The following LMNA variants were observed in gnomAD, a reference collection of about 807,000 sequenced individuals.
The protein encoded by LMNA is lamin A/C, also known as lamin.
A neutral mutation model predicts 70.4 loss-of-function variants in LMNA; 20 were observed. The ratio of observed to expected loss-of-function variants is 0.28; its 90% CI spans 0.20 to 0.41. The LOEUF (loss-of-function observed/expected upper bound fraction) is 0.41, where lower values mean the gene tolerates loss of function less well. Ranked by LOEUF, LMNA falls within the 10% of genes least tolerant of loss-of-function variation. The pLI is 1.00. For synonymous variants in LMNA, 339 were observed against 372.8 expected, an observed-to-expected ratio of 0.91 and a Z score of 1.04; for missense variants, 652 against 917.2, an observed-to-expected ratio of 0.71 and a Z score of 3.73.
chr1:156,093,454 C>T (rs528585959), intron 3 of LMNA, among the ~76,000 whole-genome samples: 12 of 151,772 alleles, frequency 7.9e-5, no homozygotes, highest in Admixed American at 3.9e-4. Context: ...TACAGGCGTG[C>T]GCCACCATGC....
intron 1 of LMNA, among the ~76,000 whole-genome samples, chr1:156,125,238 G>C (rs1306941428): frequency 6.6e-6 from 1 of 152,224 alleles, no homozygotes; most frequent in Non-Finnish European, 1.5e-5. Context: ...GGGGTAGGGA[G>C]GTTTTGGGTG....
At chr1:156,124,935 G>C (rs1650451290) in intron 1 of LMNA, among the ~76,000 whole-genome samples, 1 of 152,190 alleles carries the variant, frequency 6.6e-6, no homozygotes, top group South Asian at 2.1e-4. Context: ...ATTCTCTGCA[G>C]TGTCTGTGTG....
rs900337791 is a variant in LMNA at position 156,103,311 on chromosome 1, C to A, written c.-206-11402C>A. Among the ~76,000 whole-genome samples the A allele has an allele frequency of 6.6e-5, 10 of 152,206 alleles. No homozygotes were observed. Among genetic ancestry groups the A allele is most frequent in the South Asian group, 4.1e-4 (2 of 4,822 alleles). ...CTGAGGGTGAGAAGCCAGCGATCGACCCCCAGGGAGAAGTCTTGCAGAGGA... is the reference window on the plus strand; with the variant it reads ...CTGAGGGTGAGAAGCCAGCGATCGAACCCCAGGGAGAAGTCTTGCAGAGGA... On this transcript the variant is annotated intron_variant, in intron 3 of 12. Coordinates refer to the LMNA transcript ENST00000368301. This position sits in a 1 kb window ranked among gnomAD's most constrained non-coding sequence, Gnocchi z 4.7.
chr1:156,086,197 G>A (rs1296377404), intron 2 of LMNA, among the ~76,000 whole-genome samples: 2 of 152,158 alleles, frequency 1.3e-5, no homozygotes, highest in East Asian at 1.9e-4. Flanking sequence ...TCATTCATTC[G>A]TTCATTCATT....
At chr1:156,128,981 C>T (rs532715484) in intron 1 of LMNA, among the ~76,000 whole-genome samples, 3 of 152,326 alleles carry the variant, frequency 2.0e-5, no homozygotes, top group South Asian at 2.1e-4. Flanking sequence ...GCTTCAGCTT[C>T]GGAAAAGTTC....
At position 156,134,228 on chromosome 1, in the gene LMNA, C is replaced by G. The variant is rs1369646098; in HGVS notation, c.514-175C>G. Among the ~76,000 whole-genome samples the G allele has an allele frequency of 1.3e-5, 2 of 152,208 alleles. No individual in the cohort carries two copies. The highest frequency in any genetic ancestry group is 4.8e-5 in the African/African-American group (2 of 41,452). ...TATATTTTCTCTCTTAGCACAGTAC[C>G]TACCAAGAGTGAGTGAGTAGATGTC... On this transcript the variant is annotated intron_variant, in intron 2 of 11. Coordinates refer to ENST00000368300, the MANE Select transcript of LMNA (RefSeq NM_170707.4). This position sits in a 1 kb window ranked among gnomAD's most constrained non-coding sequence, Gnocchi z 5.3.
upstream of LMNA, chr1:156,114,710 C>G (rs1649674797): frequency 1.8e-6 from 1 of 554,706 alleles, no homozygotes; most frequent in Non-Finnish European, 3.1e-6. Flanking sequence ...GTCGGTGACT[C>G]AGTGTTCGCG....
At chr1:156,117,079 A>ATTTTTT (rs150049994) in intron 1 of LMNA, among the ~76,000 whole-genome samples, 2 of 112,632 alleles carry the variant, frequency 1.8e-5, no homozygotes, top group Non-Finnish European at 1.8e-5. Flanking sequence ...ACACATGGCT[A>ATTTTTT]TTTTTTTTTT....
intron 3 of LMNA, among the ~76,000 whole-genome samples, chr1:156,099,266 G>A (rs1412674121): frequency 1.3e-5 from 2 of 152,048 alleles, no homozygotes; most frequent in Admixed American, 1.3e-4. Flanking sequence ...ACCTTCACTG[G>A]CTCTCTGACT....
chr1:156,127,529 T>G (rs950836036), intron 1 of LMNA, among the ~76,000 whole-genome samples: 14 of 139,458 alleles, frequency 1.0e-4, no homozygotes, highest in African/African-American at 3.5e-4. Context: ...TTTTTTTTTT[T>G]TTTTTTTGAG....
chr1:156,130,525 C>T (rs765568182), intron 1 of LMNA, 92 bp from the exon 2 acceptor site: 30 of 1,350,594 alleles, frequency 2.2e-5, no homozygotes, highest in East Asian at 4.6e-5. Context: ...GGCATAGCAG[C>T]GCCAGCCCCC....
chr1:156,101,751 C>T (rs61813328), intron 3 of LMNA, among the ~76,000 whole-genome samples: 3 of 151,808 alleles, frequency 2.0e-5, no homozygotes, highest in South Asian at 4.2e-4. Flanking sequence ...GTTGTGAGGC[C>T]GCTGCAGTTA....
At position 156,138,868 on chromosome 1, in the gene LMNA, G is replaced by C; in HGVS notation, c.1968+111G>C. ...GAGCCTGCCTTCTCTTCCGCAGCCC[G>C]GGGGAGTGGGAGCCTCCTCCCCACA... On this transcript the variant is annotated intron_variant, in intron 11 of 11. Transcript: ENST00000368300. This position sits in a 1 kb window ranked among gnomAD's most constrained non-coding sequence, Gnocchi z 5.5. 6.9e-7 allele frequency: 1 copy of C among 1,448,798 alleles called. No homozygotes were observed. Among genetic ancestry groups the C allele is most frequent in the Non-Finnish European group, 9.6e-7 (1 of 1,044,582 alleles). 89.7% of individuals were successfully genotyped at this position (1,448,798 alleles called of 1,614,324 possible). A position where few individuals can be genotyped will look rare whatever the true frequency, so the allele number is the denominator to read the frequency against.
Position 156,115,325 on chromosome 1 carries a change from G to T in LMNA, c.356+51G>T. 1 of 1,525,140 alleles carries T rather than the reference G, an allele frequency of 6.6e-7. No homozygotes were observed. Among genetic ancestry groups the T allele is most frequent in the South Asian group, 1.2e-5 (1 of 85,542 alleles). The allele number at this position is 1,525,140 out of a possible 1,614,324, so 94.5% of individuals were successfully genotyped here. ...CCTGGCGGGGAGTGGAGAGGGCGGCGGGCCGGCGCCCCTGGCCGGCCGCAG... is the reference window on the plus strand; with the variant it reads ...CCTGGCGGGGAGTGGAGAGGGCGGCTGGCCGGCGCCCCTGGCCGGCCGCAG... On this transcript the variant is annotated intron_variant, in intron 1 of 11. Transcript: ENST00000368300. The surrounding 1 kb of genome is among the most constrained non-coding windows in gnomAD (Gnocchi z 5.8).
intron 3 of LMNA, among the ~76,000 whole-genome samples, chr1:156,095,565 C>A (rs1038345174): frequency 1.3e-5 from 2 of 150,886 alleles, no homozygotes; most frequent in Non-Finnish European, 2.9e-5. Context: ...CCAGGTTGGG[C>A]AGGCTGGTCT....
chr1:156,093,188 C>T (rs1648775876), intron 3 of LMNA, among the ~76,000 whole-genome samples: 1 of 151,996 alleles, frequency 6.6e-6, no homozygotes, highest in Non-Finnish European at 1.5e-5. Context: ...CCACTCCCAG[C>T]CCACATGGAC....
intron 3 of LMNA, among the ~76,000 whole-genome samples, chr1:156,094,538 C>T (rs1191335260): frequency 6.6e-6 from 1 of 151,914 alleles, no homozygotes; most frequent in Non-Finnish European, 1.5e-5. Flanking sequence ...AGGGTTTTAC[C>T]ATATTGGCCA....
At chr1:156,129,366 G>A (rs1267618823) in intron 1 of LMNA, among the ~76,000 whole-genome samples, 1 of 152,164 alleles carries the variant, frequency 6.6e-6, no homozygotes, top group Non-Finnish European at 1.5e-5. Context: ...GTCCTCCAGA[G>A]CTTCTGCAAA....
intron 1 of LMNA, among the ~76,000 whole-genome samples, chr1:156,117,682 C>A (rs919901164): frequency 6.6e-6 from 1 of 152,240 alleles, no homozygotes; most frequent in African/African-American, 2.4e-5. Context: ...GCAGGCACCA[C>A]CACCCACAGC....
Sources: allele counts gnomAD v4.1 joint callset (sites outside exome capture counted in the v4.1 genomes callset), GRCh38; gene constraint gnomAD v4.1.1; non-coding constraint Gnocchi (gnomAD v3.1); transcripts MANE v1.5; gene names NCBI Gene and HGNC (gene_info 2026-07-23, HGNC 2026-07-21).